The following XPR1 variants were observed in gnomAD, a reference collection of about 807,000 sequenced individuals.
XPR1 encodes solute carrier family 53 member 1.
In XPR1, 28 loss-of-function variants were observed where a neutral mutation model predicts 87.5. The observed-to-expected ratio is 0.32, with a 90% CI of 0.24 to 0.44. The LOEUF is 0.44. XPR1 is among the 20% of genes least tolerant of loss of function. The pLI is 1.00. For missense variants in XPR1, 559 were observed against 862.3 expected, an observed-to-expected ratio of 0.65 and a Z score of 4.41; for synonymous variants, 300 against 306.1, an observed-to-expected ratio of 0.98 and a Z score of 0.21.
chr1:180,865,930 G>A (rs1401999645), intron 12 of XPR1, among the ~76,000 whole-genome samples: 5 of 152,068 alleles, frequency 3.3e-5, no homozygotes, highest in Admixed American at 3.3e-4. Flanking sequence ...AAAAAATACT[G>A]GCCAGACGTG....
At chr1:180,825,943 G>A (rs912693751) in intron 9 of XPR1, among the ~76,000 whole-genome samples, 7 of 152,140 alleles carry the variant, frequency 4.6e-5, no homozygotes, top group Admixed American at 3.3e-4. Flanking sequence ...CTAGCTACTA[G>A]GGAGGCTGAG....
In XPR1 at chr1:180,778,152, T is replaced by A. The variant is rs573205532; in HGVS notation, c.122-9601T>A. Among the ~76,000 whole-genome samples, 28 of 152,134 alleles carry A rather than the reference T, an allele frequency of 1.8e-4. No homozygotes were observed. In the East Asian group the frequency reaches 2.1e-3, roughly 12 times the overall value. On this transcript the variant is annotated intron_variant, in intron 2 of 14. Coordinates refer to ENST00000367590, the MANE Select transcript of XPR1 (RefSeq NM_004736.4). ...CACGCTACCACACCCAGCTAATTTTTAAAAAAATTTTTTTAGAGACTGGGT... is the reference window on the plus strand; with the variant it reads ...CACGCTACCACACCCAGCTAATTTTAAAAAAAATTTTTTTAGAGACTGGGT...
At chr1:180,828,976 C>CGAGACCAGCCTG (rs1650959994) in intron 9 of XPR1, among the ~76,000 whole-genome samples, 1 of 151,996 alleles carries the variant, frequency 6.6e-6, no homozygotes, top group Non-Finnish European at 1.5e-5. Context: ...GTGGGAGGAT[C>CGAGACCAGCCTG]GCTTAAGCCC....
At chr1:180,846,084 A>G (rs1259000414) in intron 11 of XPR1, among the ~76,000 whole-genome samples, 1 of 151,994 alleles carries the variant, frequency 6.6e-6, no homozygotes, top group Non-Finnish European at 1.5e-5. Flanking sequence ...ACATGGCAAA[A>G]CCCTGTCTCT....
At chr1:180,779,842 C>T (rs1648868113) in intron 2 of XPR1, among the ~76,000 whole-genome samples, 2 of 152,116 alleles carry the variant, frequency 1.3e-5, no homozygotes, top group Admixed American at 1.3e-4. Flanking sequence ...CTACCCCCAG[C>T]CCCTGCCTGC....
At chr1:180,773,167 G>C (rs1272475785) in intron 2 of XPR1, among the ~76,000 whole-genome samples, 1 of 152,166 alleles carries the variant, frequency 6.6e-6, no homozygotes, top group Non-Finnish European at 1.5e-5. Flanking sequence ...TTATTTAAGA[G>C]GGTGGCAGAT....
In XPR1 at chr1:180,863,710, C is replaced by T. The variant is rs1652293205; in HGVS notation, c.1504C>T (p.Arg502Ter). Residue 502 changes from arginine to a stop codon, truncating the protein, a stop_gained and splice_region_variant, in exon 12 of 15, where the codon CGA becomes TGA. Transcript: ENST00000367590. LOFTEE classifies it high-confidence loss of function. ...CTCTTTCCCTCTTCTTTCTTCAGAA[C>T]GAGGTCACTCGGACACTATGGTGTT... ...FAALYSTHKE[R>*]GHSDTMVFFY... 2 of 1,561,244 alleles carry T rather than the reference C, an allele frequency of 1.3e-6. No homozygotes were observed. Among genetic ancestry groups the T allele is most frequent in the South Asian group, 1.2e-5 (1 of 81,230 alleles).
At chr1:180,853,660 CA>C (rs1355000265) in intron 11 of XPR1, among the ~76,000 whole-genome samples, 5 of 151,790 alleles carry the variant, frequency 3.3e-5, no homozygotes, top group Non-Finnish European at 7.4e-5. Context: ...CACACACACA[CA>C]CACACACCCT....
At chr1:180,851,697 A>G (rs913389328) in intron 11 of XPR1, among the ~76,000 whole-genome samples, 1 of 152,160 alleles carries the variant, frequency 6.6e-6, no homozygotes, top group Non-Finnish European at 1.5e-5. Flanking sequence ...AGACACACAT[A>G]CATAAGAAAG....
chr1:180,887,395 G>A lies in XPR1; in HGVS notation c.*3329G>A, dbSNP rs1383924282. 6.6e-6 allele frequency: 1 copy of A among 152,172 alleles called. No individual in the cohort carries two copies. Among genetic ancestry groups the A allele is most frequent in the Non-Finnish European group, 1.5e-5 (1 of 68,040 alleles). The allele number at this position is 152,172 out of a possible 1,614,324, so 9.4% of individuals were successfully genotyped here. A position where few individuals can be genotyped will look rare whatever the true frequency, so the allele number is the denominator to read the frequency against. On this transcript the variant is annotated 3_prime_UTR_variant, in exon 15 of 15. Coordinates refer to ENST00000367590, the MANE Select transcript of XPR1 (RefSeq NM_004736.4). ...ATTTTATGGTAGTATAGAAAGCATTGATGTGTGTAGAGAAATTAAAAGACA... is the reference window on the plus strand; with the variant it reads ...ATTTTATGGTAGTATAGAAAGCATTAATGTGTGTAGAGAAATTAAAAGACA...
intron 2 of XPR1, among the ~76,000 whole-genome samples, chr1:180,734,808 G>T (rs915856159): frequency 6.6e-6 from 1 of 152,168 alleles, no homozygotes; most frequent in Non-Finnish European, 1.5e-5. Flanking sequence ...TTTTGAGTGG[G>T]GTGGGGTGTC....
Position 180,803,590 on chromosome 1 carries a change from A to G in XPR1, c.426A>G (p.Leu142=). 6.2e-7 allele frequency: 1 copy of G among 1,612,624 alleles called. No homozygotes were observed. The change falls in exon 4 of 15, where the codon CTA becomes CTG. Residue 142 remains leucine (L), a synonymous_variant. Transcript: ENST00000367590. ...CCTTCAGTGAGTTCTACCTCAGTCT[A>G]ATCCTGCTGCAGAACTATCAGGTAC... ...KLAFSEFYLS[L]ILLQNYQNLN...
At chr1:180,762,395 GTTAATTAAAA>G (rs1442352514) in intron 2 of XPR1, among the ~76,000 whole-genome samples, 1 of 152,142 alleles carries the variant, frequency 6.6e-6, no homozygotes. Context: ...ATGAACAGAA[GTTAATTAAAA>G]ATAGAAAAAC....
intron 2 of XPR1, among the ~76,000 whole-genome samples, chr1:180,764,984 A>G (rs1571814695): frequency 6.8e-6 from 1 of 146,128 alleles, no homozygotes; most frequent in Non-Finnish European, 1.5e-5. Flanking sequence ...ACGGGGTTTC[A>G]CTGTTTTAGC....
chr1:180,883,066 G>A (rs1162481707), intron 14 of XPR1, among the ~76,000 whole-genome samples: 1 of 147,566 alleles, frequency 6.8e-6, no homozygotes, highest in Non-Finnish European at 1.5e-5. Context: ...GGGCTGAAAT[G>A]ATCCTCCTTC....
chr1:180,720,592 G>A (rs1425405449), intron 2 of XPR1, among the ~76,000 whole-genome samples: 1 of 152,110 alleles, frequency 6.6e-6, no homozygotes, highest in African/African-American at 2.4e-5. Context: ...CTAGAGTAGC[G>A]ATTTTCAAAG....
intron 6 of XPR1, among the ~76,000 whole-genome samples, chr1:180,807,052 A>G (rs753520460): frequency 4.6e-5 from 7 of 152,174 alleles, no homozygotes; most frequent in Non-Finnish European, 2.9e-5. Flanking sequence ...CAGAGCTTCC[A>G]TAGCCTAATG....
At chr1:180,688,073 CAG>C (rs1656849179) in intron 2 of XPR1, among the ~76,000 whole-genome samples, 4 of 130,750 alleles carry the variant, frequency 3.1e-5, no homozygotes, top group African/African-American at 1.2e-4. Context: ...TTTTTTGAGA[CAG>C]TGTCTTGCTC....
intron 3 of XPR1, among the ~76,000 whole-genome samples, chr1:180,794,699 G>T (rs1403852456): frequency 6.6e-6 from 1 of 152,152 alleles, no homozygotes; most frequent in African/African-American, 2.4e-5. Context: ...TCTTAAGGGA[G>T]GTTGTTTGGG....
Sources: allele counts gnomAD v4.1 joint callset (sites outside exome capture counted in the v4.1 genomes callset), GRCh38; gene constraint gnomAD v4.1.1; transcripts MANE v1.5; gene names NCBI Gene and HGNC (gene_info 2026-07-23, HGNC 2026-07-21).